Variants in SNRNP200 observed in about 807,000 individuals in gnomAD.
SNRNP200 encodes the protein U5 small nuclear ribonucleoprotein 200 kDa helicase.
Under a neutral mutation model 255.2 loss-of-function variants are expected in SNRNP200, and 66 were observed. The observed-to-expected ratio is 0.26, with a 90% CI of 0.21 to 0.32. SNRNP200 has a LOEUF of 0.32. Among genes scored for constraint, SNRNP200 ranks in the 10% least tolerant of loss-of-function variants. SNRNP200 has a pLI of 1.00. For synonymous variants in SNRNP200, 939 were observed against 1,027.8 expected (o/e 0.91, Z 1.65); for missense variants, 1,585 against 2,749.8 (o/e 0.58, Z 9.47).
chr2:96,289,662 C>T (rs1170845907), intron 21 of SNRNP200, 137 bp downstream of exon 21: 3 of 825,634 alleles, frequency 3.6e-6, no homozygotes, highest in Non-Finnish European at 6.2e-6. Context: ...ATGGGAAAAG[C>T]TACCCATTTT....
chr2:96,298,573 C>T, intron 8 of SNRNP200, 30 bp downstream of exon 8: 1 of 1,608,408 alleles, frequency 6.2e-7, no homozygotes, highest in South Asian at 1.1e-5. Flanking sequence ...TATGTACTCA[C>T]TCTGCAGGAA....
At chr2:96,295,738 T>C in intron 13 of SNRNP200, 80 bp from the exon 14 acceptor site, 1 of 1,476,880 alleles carries the variant, frequency 6.8e-7, no homozygotes, top group South Asian at 1.2e-5. Context: ...AATTGGAGTG[T>C]AGGGCATTGG....
intron 14 of SNRNP200, among the ~76,000 whole-genome samples, chr2:96,294,390 A>ATTG (rs1379022139): frequency 6.6e-6 from 1 of 151,948 alleles, no homozygotes; most frequent in Non-Finnish European, 1.5e-5. Context: ...GTGAGCTGAG[A>ATTG]TTGCATCATC....
intron 29 of SNRNP200, among the ~76,000 whole-genome samples, chr2:96,285,575 G>A (rs1208271177): frequency 6.6e-6 from 1 of 152,182 alleles, no homozygotes; most frequent in East Asian, 1.9e-4. Flanking sequence ...AAGAGCCCAG[G>A]TCCCCTGGAG....
Position 96,278,581 on chromosome 2 carries a change from G to A in SNRNP200, c.5454C>T (p.Ile1818=), listed in dbSNP as rs768482213. 4.3e-6 allele frequency: 7 copies of A among 1,614,150 alleles called. No homozygotes were observed. Among genetic ancestry groups the A allele is most frequent in the Admixed American group, 1.7e-5 (1 of 60,022 alleles). ...MDVAPLNLGM[I]AAYYYINYTT... Reference sequence around the variant, plus strand: ...TGTAGTTGATGTAATAGTAGGCGGCGATCATGCCTAGGTTCAGAGGCGCCA... The same window carrying A: ...TGTAGTTGATGTAATAGTAGGCGGCAATCATGCCTAGGTTCAGAGGCGCCA... The change falls in exon 38 of 45, where the codon ATC becomes ATT. Residue 1818 remains isoleucine, a synonymous_variant. Coordinates refer to ENST00000323853, the MANE Select transcript of SNRNP200 (RefSeq NM_014014.5). The surrounding 1 kb of genome is among the most constrained non-coding windows in gnomAD (Gnocchi z 6.9).
intron 12 of SNRNP200, 107 bp downstream of exon 12, chr2:96,296,826 A>T: frequency 6.4e-7 from 1 of 1,559,166 alleles, no homozygotes; most frequent in Non-Finnish European, 8.8e-7. Flanking sequence ...CCTCTCTTCC[A>T]TCAAAGGACA....
At chr2:96,303,403 C>A in intron 2 of SNRNP200, 73 bp from the exon 3 acceptor site, 1 of 1,542,174 alleles carries the variant, frequency 6.5e-7, no homozygotes. Context: ...CAAGCCCACC[C>A]TCCTCTCCTC....
rs1238733674 is a variant in SNRNP200, at chr2:96,274,577, G to A, written c.*435C>T. ...TACCCTCCTCTGGGCTGACTCACGAGGCTACAGGGGACAGCACACCTAATG... is the reference window on the plus strand; with the variant it reads ...TACCCTCCTCTGGGCTGACTCACGAAGCTACAGGGGACAGCACACCTAATG... On this transcript the variant is annotated 3_prime_UTR_variant, in exon 45 of 45. Coordinates refer to ENST00000323853, the MANE Select transcript of SNRNP200 (RefSeq NM_014014.5). 7.8e-5 allele frequency: 23 copies of A among 294,836 alleles called. No homozygotes were observed. Among genetic ancestry groups the A allele is most frequent in the Non-Finnish European group, 6.6e-6 (1 of 151,952 alleles). The allele number at this position is 294,836 out of a possible 1,614,324, so 18.3% of individuals were successfully genotyped here.
chr2:96,274,664 A>C lies in SNRNP200; in HGVS notation c.*348T>G, dbSNP rs1684623623. The C allele has an allele frequency of 5.5e-6, 2 of 361,740 alleles. No individual in the cohort carries two copies. The highest frequency in any genetic ancestry group is 1.1e-5 in the Non-Finnish European group (2 of 188,308). 22.4% of individuals were successfully genotyped at this position (361,740 alleles called of 1,614,324 possible). ...ACGTTCCTGGCTAAAAAATAACCAG[A>C]TCTTTTTGGCCGTGCCCTCAGGTTG... is the stretch of plus-strand genomic sequence containing the variant. On this transcript the variant is annotated 3_prime_UTR_variant, in exon 45 of 45. Transcript: ENST00000323853.
chr2:96,289,135 A>G lies in SNRNP200; in HGVS notation c.3094-18T>C. The G allele has an allele frequency of 6.2e-7, 1 of 1,613,908 alleles. No homozygotes were observed. The highest frequency in any genetic ancestry group is 8.5e-7 in the Non-Finnish European group (1 of 1,179,886). On this transcript the variant is annotated intron_variant, in intron 22 of 44. Coordinates refer to ENST00000323853, the MANE Select transcript of SNRNP200 (RefSeq NM_014014.5). ...TTCTCCTCCTGCCACAAGGAGGAAA[A>G]GGTCAAGGGAAAGCCTTGTGGCCGA...
chr2:96,281,819 G>C lies in SNRNP200; in HGVS notation c.5019C>G (p.Ile1673Met), dbSNP rs1558764448. Reference sequence around the variant, plus strand: ...AGAGCACCAGTTGTACTCACGCGTGGATCTTGCCATTGTAGTACTGGGTAT... The same window carrying C: ...AGAGCACCAGTTGTACTCACGCGTGCATCTTGCCATTGTAGTACTGGGTAT... ...IMDTQYYNGK[I>M]HAYVDYPIYD... The change falls in exon 35 of 45, where the codon ATC becomes ATG. Residue 1673 changes from isoleucine (I) to methionine (M), a missense_variant. By Grantham distance (10) the Ile-to-Met change is conservative. Transcript: ENST00000323853. 6.2e-7 allele frequency: 1 copy of C among 1,611,530 alleles called. No individual in the cohort carries two copies. Among genetic ancestry groups the C allele is most frequent in the Non-Finnish European group, 8.5e-7 (1 of 1,177,650 alleles).
chr2:96,300,939 G>A (rs1171247907), intron 5 of SNRNP200, 59 bp downstream of exon 5: 1 of 1,392,128 alleles, frequency 7.2e-7, no homozygotes, highest in Non-Finnish European at 1.0e-6. Flanking sequence ...ACTAGAAGGG[G>A]TCCCTTTACC....
At position 96,301,031 on chromosome 2, in the gene SNRNP200, G is replaced by GT; in HGVS notation, c.596dup (p.Tyr199Ter). ...QNMDDNIDET[Y>*]GVNVQFESDE... is the part of the protein sequence containing the mutation. ...CAGACTCAAACTGCACATTCACACC[G>GT]TATGTCTCATCAATGTTGTCATCTG... Residue 199 changes from tyrosine to a stop codon, truncating the protein, a stop_gained and frameshift_variant, in exon 5 of 45, where the codon TAC becomes TAAC. Coordinates refer to ENST00000323853, the MANE Select transcript of SNRNP200 (RefSeq NM_014014.5). LOFTEE classifies it high-confidence loss of function. 1 of 1,613,682 alleles carries GT rather than the reference G, an allele frequency of 6.2e-7. No homozygotes were observed. Among genetic ancestry groups the GT allele is most frequent in the Non-Finnish European group, 8.5e-7 (1 of 1,179,734 alleles).
intron 34 of SNRNP200, 70 bp from the exon 35 acceptor site, chr2:96,281,992 G>A: frequency 1.7e-6 from 2 of 1,148,892 alleles, no homozygotes; most frequent in Non-Finnish European, 2.6e-6. Flanking sequence ...CTGCCTCATG[G>A]GCAGGCCGTG....
chr2:96,277,078 C>T lies in SNRNP200; in HGVS notation c.6092+3G>A, dbSNP rs751502439. 48 of 1,614,114 alleles carry T rather than the reference C, an allele frequency of 3.0e-5. No individual in the cohort carries two copies. Among genetic ancestry groups the T allele is most frequent in the Non-Finnish European group, 4.0e-5 (47 of 1,180,038 alleles). ...TGCCCAACAGGCACCACCTCTGGCT[C>T]ACCTGCGGATGCTGTCCTTATCTAC... On this transcript the variant is annotated splice_donor_region_variant and intron_variant, in intron 42 of 44. Coordinates refer to ENST00000323853, the MANE Select transcript of SNRNP200 (RefSeq NM_014014.5). This position sits in a 1 kb window ranked among gnomAD's most constrained non-coding sequence, Gnocchi z 4.4.
chr2:96,284,293 G>A (rs2063827770), intron 31 of SNRNP200, 65 bp downstream of exon 31: 2 of 1,403,202 alleles, frequency 1.4e-6, no homozygotes, highest in Non-Finnish European at 2.0e-6. Flanking sequence ...CCAAACATTA[G>A]GTCCAATGCC....
Position 96,288,898 on chromosome 2 carries a change from A to G in SNRNP200, c.3174+139T>C, listed in dbSNP as rs1466063202. On this transcript the variant is annotated intron_variant, in intron 23 of 44. Coordinates refer to ENST00000323853, the MANE Select transcript of SNRNP200 (RefSeq NM_014014.5). ...AATAATTGTTATTTCATATAAAAAG[A>G]ACATGCGAGAAGGCTGCAAAAACTA... 4.0e-5 allele frequency: 41 copies of G among 1,035,520 alleles called. No homozygotes were observed. The East Asian group carries it at 1.0e-3, about 25-fold the overall frequency. 64.1% of individuals were successfully genotyped at this position (1,035,520 alleles called of 1,614,324 possible).
At chr2:96,300,529 C>CG (rs1224923350) in intron 5 of SNRNP200, among the ~76,000 whole-genome samples, 3 of 152,016 alleles carry the variant, frequency 2.0e-5, no homozygotes, top group Non-Finnish European at 2.9e-5. Flanking sequence ...GGGAGGCCGA[C>CG]GGGGGGCGGA....
chr2:96,299,047 T>A, intron 6 of SNRNP200, 80 bp from the exon 7 acceptor site: 1 of 1,575,978 alleles, frequency 6.3e-7, no homozygotes, highest in Non-Finnish European at 8.7e-7. Flanking sequence ...AACCAAGTTC[T>A]ACTTGACAAT....
Sources: allele counts gnomAD v4.1 joint callset (sites outside exome capture counted in the v4.1 genomes callset), GRCh38; gene constraint gnomAD v4.1.1; non-coding constraint Gnocchi (gnomAD v3.1); transcripts MANE v1.5; gene names NCBI Gene and HGNC (gene_info 2026-07-23, HGNC 2026-07-21).